ABCA13: variants seen among roughly 807,000 people sequenced by gnomAD.
The protein encoded by ABCA13 is ATP binding cassette subfamily A member 13, also known as ATP-binding cassette sub-family A member 13.
Under a neutral mutation model 478.7 loss-of-function variants are expected in ABCA13, and 476 were observed. The ratio of observed to expected loss-of-function variants is 0.99; its 90% CI spans 0.92 to 1.07. The LOEUF is 1.07. Among genes scored for constraint, ABCA13 ranks in the 50% least tolerant of loss-of-function variants. ABCA13 has a pLI of 0.00. For synonymous variants in ABCA13, 2,252 were observed against 2,158.9 expected, an observed-to-expected ratio of 1.04 and a Z score of -1.20; for missense variants, 6,060 against 5,910.6, an observed-to-expected ratio of 1.03 and a Z score of -0.83.
rs1263935896 is a variant in ABCA13 at position 48,331,372 on chromosome 7, C to T, written c.10000-4050C>T. ...ACACTTTTAGTTGGGATTATCAGCTCTGAGCCTCATTAGTTCCCTATAATC... is the reference window on the plus strand; with the variant it reads ...ACACTTTTAGTTGGGATTATCAGCTTTGAGCCTCATTAGTTCCCTATAATC... On this transcript the variant is annotated intron_variant, in intron 27 of 61. Transcript: ENST00000435803. Among the ~76,000 whole-genome samples the T allele has an allele frequency of 4.6e-5, 7 of 152,290 alleles. No individual in the cohort carries two copies. The East Asian group carries it at 1.2e-3, about 25-fold the overall frequency.
intron 42 of ABCA13, among the ~76,000 whole-genome samples, chr7:48,452,743 G>GC (rs1825193569): frequency 6.6e-6 from 1 of 152,168 alleles, no homozygotes; most frequent in Admixed American, 6.5e-5. Context: ...TTCCTTTTAA[G>GC]CCTGAACAAA....
In ABCA13 at chr7:48,314,354, A is replaced by G. The variant is rs747413382; in HGVS notation, c.9804A>G (p.Arg3268=). ...CTAATATGTTTATTAATTTGCCCAG[A>G]GTTAAGGAACTCTTGGAAGATGACA... is the stretch of plus-strand genomic sequence containing the variant. ...SDSNMFINLP[R]VKELLEDDKE... Residue 3268 remains arginine (R), a synonymous_variant, in exon 26 of 62, where the codon AGA becomes AGG. Transcript: ENST00000435803. 3.1e-6 allele frequency: 5 copies of G among 1,611,028 alleles called. No individual in the cohort carries two copies. In the South Asian group the frequency reaches 4.4e-5, roughly 14 times the overall value.
chr7:48,191,941 A>T (rs1021237593), intron 1 of ABCA13, among the ~76,000 whole-genome samples: 6 of 152,148 alleles, frequency 3.9e-5, no homozygotes, highest in Non-Finnish European at 7.4e-5. Context: ...AAACAGTAAG[A>T]TATCCTCTTT....
intron 38 of ABCA13, among the ~76,000 whole-genome samples, chr7:48,399,985 T>C (rs1332653170): frequency 1.3e-5 from 2 of 152,162 alleles, no homozygotes; most frequent in African/African-American, 4.8e-5. Flanking sequence ...AAGGACAGAA[T>C]CTCTTTGTTC....
intron 48 of ABCA13, among the ~76,000 whole-genome samples, chr7:48,505,537 TG>T (rs1831127646): frequency 6.6e-6 from 1 of 152,136 alleles, no homozygotes; most frequent in Admixed American, 6.5e-5. Context: ...CAACATGAAA[TG>T]GAGCAAGGAT....
intron 1 of ABCA13, among the ~76,000 whole-genome samples, chr7:48,174,050 G>C (rs1036180015): frequency 6.6e-6 from 1 of 152,192 alleles, no homozygotes; most frequent in African/African-American, 2.4e-5. Flanking sequence ...TGGAAATATT[G>C]AGGGCAGGCC....
chr7:48,553,798 G>T (rs1277003208), intron 55 of ABCA13, among the ~76,000 whole-genome samples: 1 of 152,006 alleles, frequency 6.6e-6, no homozygotes, highest in African/African-American at 2.4e-5. Context: ...TTCCAGTGCA[G>T]AAGTTTTTTA....
intron 47 of ABCA13, among the ~76,000 whole-genome samples, chr7:48,487,776 G>C (rs1280319478): frequency 2.6e-5 from 4 of 152,176 alleles, no homozygotes; most frequent in Non-Finnish European, 5.9e-5. Context: ...GCTAGTGCCT[G>C]TGTAGGTGTC....
At chr7:48,534,879 A>G (rs901502246) in intron 55 of ABCA13, among the ~76,000 whole-genome samples, 1 of 152,122 alleles carries the variant, frequency 6.6e-6, no homozygotes, top group Non-Finnish European at 1.5e-5. Context: ...AATTTATGGT[A>G]TCTATTACAC....
chr7:48,421,798 T>G (rs1820773195), intron 41 of ABCA13, among the ~76,000 whole-genome samples: 1 of 152,148 alleles, frequency 6.6e-6, no homozygotes, highest in Non-Finnish European at 1.5e-5. Context: ...CAACTCCACA[T>G]CTCTAATTCC....
At chr7:48,201,820 G>C (rs535659535) in intron 3 of ABCA13, among the ~76,000 whole-genome samples, 1 of 152,218 alleles carries the variant, frequency 6.6e-6, no homozygotes, top group Non-Finnish European at 1.5e-5. Flanking sequence ...GAATGAAGCC[G>C]CAGACCCTCA....
At chr7:48,527,258 A>C (rs558101552) in intron 54 of ABCA13, among the ~76,000 whole-genome samples, 78 of 152,210 alleles carry the variant, frequency 5.1e-4, no homozygotes, top group Non-Finnish European at 5.1e-4. Context: ...GATGCAGGGA[A>C]AGCGGGGAAA....
At chr7:48,489,060 T>C (rs1201556222) in intron 47 of ABCA13, among the ~76,000 whole-genome samples, 176 bp from the exon 48 acceptor site, 1 of 152,198 alleles carries the variant, frequency 6.6e-6, no homozygotes, top group African/African-American at 2.4e-5. Context: ...AAATATAAAA[T>C]TAGCAGACTA....
At chr7:48,643,421 T>A in intron 60 of ABCA13, 28 bp downstream of exon 60, 1 of 1,533,942 alleles carries the variant, frequency 6.5e-7, no homozygotes, top group South Asian at 1.2e-5. Context: ...TATTATTTCT[T>A]TGTTTTCAGC....
At chr7:48,199,257 G>A (rs1226906738) in intron 3 of ABCA13, among the ~76,000 whole-genome samples, 1 of 152,152 alleles carries the variant, frequency 6.6e-6, no homozygotes, top group Non-Finnish European at 1.5e-5. Flanking sequence ...TGTTGTTTTA[G>A]TTCATTTGGG....
At chr7:48,378,709 G>A (rs533224797) in intron 35 of ABCA13, among the ~76,000 whole-genome samples, 6 of 152,266 alleles carry the variant, frequency 3.9e-5, no homozygotes, top group Admixed American at 3.9e-4. Context: ...TTCAGAATCA[G>A]CTCTTACCCT....
At chr7:48,540,908 C>T (rs542938235) in intron 55 of ABCA13, among the ~76,000 whole-genome samples, 348 of 152,124 alleles carry the variant, frequency 2.3e-3, no homozygotes, top group African/African-American at 3.4e-3. Flanking sequence ...TTCCTACTAT[C>T]GTAACTCTCA....
At chr7:48,502,585 G>A (rs1830854480) in intron 48 of ABCA13, among the ~76,000 whole-genome samples, 2 of 152,168 alleles carry the variant, frequency 1.3e-5, no homozygotes, top group African/African-American at 4.8e-5. Flanking sequence ...ATAGTCTTAG[G>A]AAAACCAGAC....
intron 43 of ABCA13, among the ~76,000 whole-genome samples, chr7:48,456,822 A>G (rs946962322): frequency 1.3e-5 from 2 of 150,744 alleles, no homozygotes; most frequent in African/African-American, 2.4e-5. Flanking sequence ...TTTTTTTCCT[A>G]TTATAGGCAA....
Sources: gnomAD v4.1 joint callset for allele counts (sites outside exome capture counted in the v4.1 genomes callset) on GRCh38, gnomAD v4.1.1 for gene constraint, MANE v1.5 for transcripts, NCBI Gene and HGNC (gene_info 2026-07-23, HGNC 2026-07-21) for gene names.